Variants in STAT5B observed in about 807,000 individuals in gnomAD.
STAT5B encodes the protein signal transducer and activator of transcription 5B, also known as transcription factor STAT5B.
A neutral mutation model predicts 107.8 loss-of-function variants in STAT5B; 21 were observed. The observed-to-expected ratio is 0.19, with a 90% confidence interval of 0.14 to 0.28. The LOEUF (loss-of-function observed/expected upper bound fraction) is 0.28. Among genes scored for constraint, STAT5B ranks in the 10% least tolerant of loss-of-function variants. The pLI is 1.00. For synonymous variants in STAT5B, 325 were observed against 401.7 expected (o/e 0.81, Z 2.28); for missense variants, 565 against 1,008.2 (o/e 0.56, Z 5.95).
At chr17:42,279,676 C>T (rs1010954084), upstream of STAT5B, among the ~76,000 whole-genome samples, 4 of 152,028 alleles carry the variant, frequency 2.6e-5, no homozygotes, top group East Asian at 1.9e-4. Context: ...GATTACATGC[C>T]TGTAATCCCA....
At chr17:42,280,186 C>A (rs1295848695), upstream of STAT5B, among the ~76,000 whole-genome samples, 1 of 152,090 alleles carries the variant, frequency 6.6e-6, no homozygotes, top group Non-Finnish European at 1.5e-5. Flanking sequence ...CAAGAAGGTA[C>A]CTGGAGATGC....
intron 5 of STAT5B, among the ~76,000 whole-genome samples, chr17:42,221,514 C>G (rs1345386053): frequency 1.3e-5 from 2 of 152,228 alleles, no homozygotes; most frequent in African/African-American, 2.4e-5. Context: ...CAAACCCAAC[C>G]TGAATCCAAA....
intron 1 of STAT5B, among the ~76,000 whole-genome samples, chr17:42,233,234 AAAGTGAAAATATCTG>A (rs1418507603): frequency 3.3e-5 from 5 of 152,238 alleles, no homozygotes; most frequent in African/African-American, 1.2e-4. Context: ...CAGTAAAAGA[AAAGTGAAAATATCTG>A]AAGTGTTGAT....
At chr17:42,283,702 C>T in the STAT5B span, among the ~76,000 whole-genome samples, 2 of 152,242 alleles carry the variant, frequency 1.3e-5, no homozygotes, top group African/African-American at 4.8e-5. Flanking sequence ...CAGCTCCTTC[C>T]CTTCCCCCAG....
At chr17:42,239,679 T>C (rs2080386685) in intron 1 of STAT5B, among the ~76,000 whole-genome samples, 1 of 152,140 alleles carries the variant, frequency 6.6e-6, no homozygotes, top group African/African-American at 2.4e-5. Flanking sequence ...AAATTGAGGG[T>C]CATCAAGATT....
intron 1 of STAT5B, among the ~76,000 whole-genome samples, chr17:42,265,389 T>TTTTTTTTTTTTTTTA (rs2080660859): frequency 6.7e-6 from 1 of 149,372 alleles, no homozygotes; most frequent in African/African-American, 2.5e-5. Flanking sequence ...TTTTTTTTTT[T>TTTTTTTTTTTTTTTA]GAGACGAAGT....
chr17:42,242,155 G>A (rs1208545687), intron 1 of STAT5B, among the ~76,000 whole-genome samples: 1 of 152,030 alleles, frequency 6.6e-6, no homozygotes, highest in Non-Finnish European at 1.5e-5. Flanking sequence ...GGGTAAGGGA[G>A]GGAATAAAGG....
rs930684230 is a variant in STAT5B at position 42,232,120 on chromosome 17, A to G, written c.8T>C (p.Val3Ala). Residue 3 changes from valine (V) to alanine (A), a missense_variant, in exon 2 of 19, where the codon GTG (valine) becomes GCG (alanine). Coordinates refer to ENST00000293328, the MANE Select transcript of STAT5B (RefSeq NM_012448.4). MA[V>A]WIQAQQLQGE... The stretch of plus-strand genomic sequence containing the variant: ...TTGGAGCTGCTGAGCTTGTATCCAC[A>G]CAGCCATGGTTTACAATCTGTTGAA... 5.0e-6 allele frequency: 8 copies of G among 1,613,982 alleles called. No individual in the cohort carries two copies. Among genetic ancestry groups the G allele is most frequent in the Non-Finnish European group, 6.8e-6 (8 of 1,179,978 alleles).
At chr17:42,283,752 A>G in the STAT5B span, among the ~76,000 whole-genome samples, 1 of 151,816 alleles carries the variant, frequency 6.6e-6, no homozygotes, top group African/African-American at 2.4e-5. Context: ...ATAAACACAC[A>G]CCCTCCCTAG....
intron 1 of STAT5B, among the ~76,000 whole-genome samples, chr17:42,238,314 C>CTT (rs778903836): frequency 0.017 from 2,375 of 137,822 alleles, 79 homozygotes; most frequent in African/African-American, 0.06. Flanking sequence ...AAGAAAAAAA[C>CTT]TTTTTTTTTT....
intron 8 of STAT5B, 48 bp downstream of exon 8, chr17:42,218,675 G>A (rs745541970): frequency 8.1e-6 from 13 of 1,611,718 alleles, no homozygotes; most frequent in Admixed American, 1.7e-5. Context: ...CCCCACGCAG[G>A]CAGGAGCTGC....
intron 16 of STAT5B, among the ~76,000 whole-genome samples, chr17:42,206,041 C>T (rs181732884): frequency 5.3e-5 from 8 of 152,264 alleles, no homozygotes; most frequent in South Asian, 2.1e-4. Context: ...GTCTTCAGGG[C>T]GCCCATCACT....
upstream of STAT5B, among the ~76,000 whole-genome samples, chr17:42,278,449 T>A (rs1007846242): frequency 1.3e-4 from 20 of 152,202 alleles, no homozygotes; most frequent in African/African-American, 4.8e-4. Flanking sequence ...CACACACCTG[T>A]GGTCCCAGCT....
At chr17:42,288,087 A>C in the STAT5B span, 1 of 152,230 alleles carries the variant, frequency 6.6e-6, no homozygotes, top group Non-Finnish European at 1.5e-5. The surrounding 1 kb of genome is among the most constrained non-coding windows in gnomAD (Gnocchi z 4.8). Flanking sequence ...CCAGAGCTGG[A>C]AGGCGTCGCC....
chr17:42,253,039 AC>A (rs2080512448), intron 1 of STAT5B, among the ~76,000 whole-genome samples: 2 of 152,222 alleles, frequency 1.3e-5, no homozygotes, highest in Non-Finnish European at 2.9e-5. Context: ...GAGGTTCTAT[AC>A]CCAGAATGTA....
At chr17:42,202,480 C>A in intron 17 of STAT5B, 33 bp from the exon 18 acceptor site, 3 of 1,610,448 alleles carry the variant, frequency 1.9e-6, no homozygotes, top group Non-Finnish European at 2.5e-6. Context: ...CTTCAGCTGC[C>A]AGGGAGGCCA....
chr17:42,287,880 A>C, the STAT5B span: 1 of 152,364 alleles, frequency 6.6e-6, no homozygotes, highest in African/African-American at 2.4e-5. Flanking sequence ...TGGCCGGAGT[A>C]AAAGAAGGAG....
chr17:42,270,128 G>A (rs1372028018), intron 1 of STAT5B, among the ~76,000 whole-genome samples: 2 of 152,140 alleles, frequency 1.3e-5, no homozygotes, highest in Non-Finnish European at 2.9e-5. Flanking sequence ...AGAATCTCTT[G>A]AACCCAGGAG....
At chr17:42,213,145 A>T (rs1350543851) in intron 12 of STAT5B, among the ~76,000 whole-genome samples, 1 of 152,228 alleles carries the variant, frequency 6.6e-6, no homozygotes, top group African/African-American at 2.4e-5. Flanking sequence ...ACAATGCTGC[A>T]ATGTTCTTAT....
Sources: gnomAD v4.1 joint callset for allele counts (sites outside exome capture counted in the v4.1 genomes callset) on GRCh38, gnomAD v4.1.1 for gene constraint, Gnocchi (gnomAD v3.1) non-coding constraint, MANE v1.5 for transcripts, NCBI Gene and HGNC (gene_info 2026-07-23, HGNC 2026-07-21) for gene names.